The following EYS variants were observed in gnomAD, a reference collection of about 807,000 sequenced individuals.
EYS encodes EGF-like photoreceptor maintenance factor, also known as protein eyes shut homolog.
In EYS, 250 loss-of-function variants were observed where a neutral mutation model predicts 282.1. That is an observed-to-expected ratio of 0.89 (90% CI 0.80 to 0.98). The LOEUF (loss-of-function observed/expected upper bound fraction) is 0.98, where lower values mean the gene tolerates loss of function less well. Among genes scored for constraint, EYS ranks in the 50% least tolerant of loss-of-function variants. The probability of loss-of-function intolerance (pLI) is 0.00; values close to 1 mark genes in which losing one functional copy is unlikely to be tolerated. For missense variants in EYS, 4,016 were observed against 3,709.0 expected, an observed-to-expected ratio of 1.08 and a Z score of -2.15; for synonymous variants, 1,355 against 1,282.9, an observed-to-expected ratio of 1.06 and a Z score of -1.20.
intron 22 of EYS, among the ~76,000 whole-genome samples, chr6:64,717,782 T>C (rs748572576): frequency 5.3e-5 from 8 of 152,170 alleles, no homozygotes; most frequent in Non-Finnish European, 1.2e-4. Flanking sequence ...GTCTTTACAC[T>C]TAGGTTCAAA....
intron 6 of EYS, 145 bp downstream of exon 6, chr6:65,405,029 T>A: frequency 1.8e-6 from 1 of 569,092 alleles, no homozygotes; most frequent in Middle Eastern, 4.9e-4. Context: ...TAGGAAAAAT[T>A]AAAATAAGTA....
Position 65,372,022 on chromosome 6 carries a change from AC to A in EYS, c.1299+12363del, listed in dbSNP as rs549010300. Among the ~76,000 whole-genome samples, 222 of 150,522 alleles carry A rather than the reference AC, an allele frequency of 1.5e-3. 3 individuals carry two copies. The highest frequency in any genetic ancestry group is 6.3e-3 in the South Asian group (30 of 4,796). On this transcript the variant is annotated intron_variant, in intron 8 of 42. Coordinates refer to ENST00000503581, the MANE Select transcript of EYS (RefSeq NM_001142800.2). Reference sequence around the variant, plus strand: ...AAAAAAAAAAAGCAAAACTGATTTAACTGGAGGATAGAAATAGAAGACAGAA... The same window carrying A: ...AAAAAAAAAAAGCAAAACTGATTTAATGGAGGATAGAAATAGAAGACAGAA...
intron 36 of EYS, among the ~76,000 whole-genome samples, chr6:63,827,291 T>C (rs1023180992): frequency 6.6e-5 from 10 of 152,064 alleles, no homozygotes; most frequent in African/African-American, 2.2e-4. Flanking sequence ...CTAATAGACC[T>C]AAGAAATGAG....
rs112450408 is a variant in EYS at position 65,510,008 on chromosome 6, C to CT, written c.-332-14016dup. Among the ~76,000 whole-genome samples, 894 of 147,518 alleles carry CT rather than the reference C, an allele frequency of 6.1e-3. 12 individuals carry two copies. Among genetic ancestry groups the CT allele is most frequent in the African/African-American group, 0.021 (847 of 40,086 alleles). On this transcript the variant is annotated intron_variant, in intron 2 of 42. Coordinates refer to ENST00000503581, the MANE Select transcript of EYS (RefSeq NM_001142800.2). Reference sequence around the variant, plus strand: ...CTCTCTTTTTGCTGGAGAAAATTTTCTTTTTTTTTTCTTTTTTTAATTATT... The same window carrying CT: ...CTCTCTTTTTGCTGGAGAAAATTTTCTTTTTTTTTTTCTTTTTTTAATTATT...
chr6:65,272,826 C>T (rs1013458047), intron 12 of EYS, among the ~76,000 whole-genome samples: 2 of 152,022 alleles, frequency 1.3e-5, no homozygotes, highest in Admixed American at 1.3e-4. Flanking sequence ...CTAAAAATAA[C>T]TTTATGCATA....
Position 65,490,727 on chromosome 6 carries a change from T to C in EYS, c.749-20A>G, listed in dbSNP as rs775303741. ...TCTTTCCTATAACAATGAAAAAAAGTTTTTTTTACATTGGATATCAATATT... is the reference window on the plus strand; with the variant it reads ...TCTTTCCTATAACAATGAAAAAAAGCTTTTTTTACATTGGATATCAATATT... On this transcript the variant is annotated intron_variant, in intron 4 of 42. Transcript: ENST00000503581. 3 of 1,430,330 alleles carry C rather than the reference T, an allele frequency of 2.1e-6. No individual in the cohort carries two copies. The highest frequency in any genetic ancestry group is 2.3e-5 in the South Asian group (2 of 86,520). The allele number at this position is 1,430,330 out of a possible 1,614,324, so 88.6% of individuals were successfully genotyped here. A position where few individuals can be genotyped will look rare whatever the true frequency, so the allele number is the denominator to read the frequency against.
intron 12 of EYS, among the ~76,000 whole-genome samples, chr6:65,271,795 G>A (rs551177563): frequency 1.3e-5 from 2 of 152,052 alleles, no homozygotes; most frequent in African/African-American, 4.8e-5. Flanking sequence ...CGTTGGCCAG[G>A]CTAGTCTTGA....
At chr6:64,747,657 C>T (rs1315057590) in intron 22 of EYS, among the ~76,000 whole-genome samples, 11 of 152,268 alleles carry the variant, frequency 7.2e-5, no homozygotes, top group Admixed American at 2.0e-4. Flanking sequence ...TGATTATAGG[C>T]GTGAGCCACC....
intron 22 of EYS, among the ~76,000 whole-genome samples, chr6:64,801,406 A>C (rs1443534577): frequency 6.6e-6 from 1 of 152,168 alleles, no homozygotes; most frequent in Non-Finnish European, 1.5e-5. Context: ...TTATCAATTC[A>C]TTCAAATAAT....
At chr6:65,647,615 T>C (rs1361057849) in intron 1 of EYS, among the ~76,000 whole-genome samples, 1 of 152,188 alleles carries the variant, frequency 6.6e-6, no homozygotes, top group Non-Finnish European at 1.5e-5. Flanking sequence ...GCCAAAGAGT[T>C]CATGACTAAG....
chr6:65,632,431 A>G (rs2149808839), intron 2 of EYS, among the ~76,000 whole-genome samples: 1 of 152,290 alleles, frequency 6.6e-6, no homozygotes, highest in East Asian at 1.9e-4. Flanking sequence ...CATGTAAGAA[A>G]TCCGCACTTA....
At chr6:65,683,002 A>C (rs890616142) in intron 1 of EYS, among the ~76,000 whole-genome samples, 4 of 152,008 alleles carry the variant, frequency 2.6e-5, no homozygotes, top group African/African-American at 9.6e-5. Flanking sequence ...TTTATGCAGA[A>C]CAGTACTATG....
chr6:65,580,980 T>C (rs1764846429), intron 2 of EYS, among the ~76,000 whole-genome samples: 1 of 152,114 alleles, frequency 6.6e-6, no homozygotes, highest in African/African-American at 2.4e-5. Flanking sequence ...TAATTTGACA[T>C]ATTTTAATCT....
intron 29 of EYS, among the ~76,000 whole-genome samples, chr6:64,368,077 C>T (rs530510974): frequency 3.3e-5 from 5 of 152,116 alleles, no homozygotes; most frequent in Middle Eastern, 3.4e-3. Context: ...GGTAGTTTTT[C>T]GATCCTCAAC....
At chr6:64,421,702 C>T (rs937062909) in intron 28 of EYS, among the ~76,000 whole-genome samples, 1 of 152,088 alleles carries the variant, frequency 6.6e-6, no homozygotes, top group Non-Finnish European at 1.5e-5. Context: ...AGAGCTTGCT[C>T]TTTTTCTCTT....
At chr6:64,461,710 A>T (rs1190958103) in intron 26 of EYS, among the ~76,000 whole-genome samples, 1 of 152,212 alleles carries the variant, frequency 6.6e-6, no homozygotes, top group Non-Finnish European at 1.5e-5. Flanking sequence ...AGAAGAGTGG[A>T]TCTTTACTCA....
At chr6:64,205,814 TAC>T (rs147264812) in intron 31 of EYS, among the ~76,000 whole-genome samples, 3,159 of 136,332 alleles carry the variant, frequency 0.023, 26 homozygotes, top group East Asian at 0.037. Flanking sequence ...TAGGCATTCA[TAC>T]ACACACACAC....
chr6:64,911,816 G>A (rs950601996), intron 16 of EYS, among the ~76,000 whole-genome samples: 1 of 152,060 alleles, frequency 6.6e-6, no homozygotes, highest in East Asian at 1.9e-4. Context: ...CTAAACCACT[G>A]TGCATTAATA....
At chr6:64,400,043 T>A (rs564479212) in intron 28 of EYS, among the ~76,000 whole-genome samples, 34 of 151,972 alleles carry the variant, frequency 2.2e-4, no homozygotes, top group Non-Finnish European at 4.1e-4. Flanking sequence ...ATTTTTGAAA[T>A]AAATAAATGA....
Sources: allele counts gnomAD v4.1 joint callset (sites outside exome capture counted in the v4.1 genomes callset), GRCh38; gene constraint gnomAD v4.1.1; transcripts MANE v1.5; gene names NCBI Gene and HGNC (gene_info 2026-07-23, HGNC 2026-07-21).